LRRC31: variants seen among roughly 807,000 people sequenced by gnomAD.
LRRC31 encodes leucine-rich repeat-containing protein 31.
Under a neutral mutation model 46.7 loss-of-function variants are expected in LRRC31, and 35 were observed. The observed-to-expected ratio is 0.75, with a 90% CI of 0.57 to 0.99. LRRC31 has a LOEUF of 0.99. Among genes scored for constraint, LRRC31 ranks in the 50% least tolerant of loss-of-function variants. The pLI, the probability that LRRC31 is intolerant of heterozygous loss-of-function variation, is 0.00. For synonymous variants in LRRC31, 236 were observed against 235.1 expected (o/e 1.00, Z -0.03); for missense variants, 613 against 626.1 (o/e 0.98, Z 0.22).
intron 7 of LRRC31, among the ~76,000 whole-genome samples, chr3:169,848,647 C>T (rs573009359): frequency 3.3e-5 from 5 of 152,230 alleles, no homozygotes; most frequent in South Asian, 2.1e-4. Context: ...TTAATAGAGA[C>T]GCTGTTTCAC....
rs147308227 is a variant in LRRC31 at position 169,843,593 on chromosome 3, C to T, written c.1328-3280G>A. On this transcript the variant is annotated intron_variant, in intron 8 of 8. Transcript: ENST00000316428. ...TCACCACTACAATATACGCATGGAA[C>T]AAAACTGCACTGGTGCCCCTCACAT... is the stretch of plus-strand genomic sequence containing the variant. 2.9e-3 allele frequency among the ~76,000 whole-genome samples: 445 copies of T among 152,290 alleles called. 5 individuals are homozygous for T. Among genetic ancestry groups the T allele is most frequent in the African/African-American group, 0.01 (433 of 41,578 alleles).
Position 169,856,423 on chromosome 3 carries a change from T to C in LRRC31, c.736A>G (p.Ile246Val), listed in dbSNP as rs374096272. The change falls in exon 5 of 9, where the codon ATT becomes GTT. Residue 246 changes from isoleucine to valine, a missense_variant. Physicochemically the swap from Ile to Val is conservative, Grantham distance 29 (BLOSUM62 3). Coordinates refer to ENST00000316428, the MANE Select transcript of LRRC31 (RefSeq NM_024727.4). ...NRDIVGSLNSIAQGLKSTSNL... is the reference protein window; with the variant it reads ...NRDIVGSLNSVAQGLKSTSNL... ...GAGGTGCTTTTTAATCCCTGAGCAA[T>C]ACTGTTCAGACTGCCAACAATGTCT... is the stretch of plus-strand genomic sequence containing the variant. 2.1e-5 allele frequency: 33 copies of C among 1,609,470 alleles called. No individual in the cohort carries two copies. The highest frequency in any genetic ancestry group is 2.6e-5 in the Non-Finnish European group (31 of 1,177,880).
chr3:169,869,782 GAA>G lies in LRRC31; in HGVS notation c.24_25del (p.Ser9LeufsTer6). 1 of 1,612,762 alleles carries G rather than the reference GAA, an allele frequency of 6.2e-7. No homozygotes were observed. ...CTGGGGCTTAGTTTCTCCTTCTGAG[GAA>G]GTTTTCTTCCTTGTTTGACTCATGG... On this transcript the variant is annotated frameshift_variant, in exon 1 of 9. Transcript: ENST00000316428. LOFTEE classifies it high-confidence loss of function.
At chr3:169,856,537 G>T (rs988286052) in intron 4 of LRRC31, 34 bp from the exon 5 acceptor site, 1 of 1,556,292 alleles carries the variant, frequency 6.4e-7, no homozygotes, top group Non-Finnish European at 8.7e-7. Flanking sequence ...AGAAGGGTAG[G>T]TAGGAGGGGA....
intron 1 of LRRC31, among the ~76,000 whole-genome samples, chr3:169,864,202 T>C (rs1367721370): frequency 2.6e-5 from 4 of 152,216 alleles, no homozygotes; most frequent in Non-Finnish European, 5.9e-5. Context: ...TACTGTCAAA[T>C]GTTTGGAAAG....
intron 7 of LRRC31, 115 bp from the exon 8 acceptor site, chr3:169,848,402 G>A (rs745690072): frequency 5.7e-6 from 5 of 872,190 alleles, no homozygotes; most frequent in Non-Finnish European, 6.9e-6. Flanking sequence ...GGTTGAGAAA[G>A]TTGTAGAGAC....
chr3:169,839,974 A>C lies in LRRC31; in HGVS notation c.*8T>G, dbSNP rs1414402940. 1.3e-6 allele frequency: 2 copies of C among 1,597,172 alleles called. No homozygotes were observed. Among genetic ancestry groups the C allele is most frequent in the Non-Finnish European group, 1.7e-6 (2 of 1,169,756 alleles). The stretch of plus-strand genomic sequence containing the variant: ...GGTTTGTAGCTTAGTAGGACATGGG[A>C]AATCAGTTTACTGAAACCCACCATG... On this transcript the variant is annotated 3_prime_UTR_variant, in exon 9 of 9. Coordinates refer to ENST00000316428, the MANE Select transcript of LRRC31 (RefSeq NM_024727.4).
chr3:169,851,412 A>AAAC (rs538129958), intron 7 of LRRC31, among the ~76,000 whole-genome samples: 2 of 152,240 alleles, frequency 1.3e-5, no homozygotes, highest in Middle Eastern at 3.4e-3. Flanking sequence ...CTCAAAATAC[A>AAAC]AACAACAACA....
chr3:169,860,755 A>ATATGTG (rs746455730), intron 2 of LRRC31, 27 bp from the exon 3 acceptor site: 21 of 1,604,640 alleles, frequency 1.3e-5, no homozygotes, highest in Non-Finnish European at 1.8e-5. Context: ...GAAAATACAG[A>ATATGTG]TATGTGTATG....
rs35795931 is a variant in LRRC31 at position 169,864,001 on chromosome 3, A to AGTGTGTGTGT, written c.176-2198_176-2189dup. Among the ~76,000 whole-genome samples the AGTGTGTGTGT allele has an allele frequency of 2.5e-3, 367 of 148,718 alleles. 1 individual carries two copies. Among genetic ancestry groups the AGTGTGTGTGT allele is most frequent in the African/African-American group, 8.6e-3 (347 of 40,570 alleles). On this transcript the variant is annotated intron_variant, in intron 1 of 8. Transcript: ENST00000316428. The stretch of plus-strand genomic sequence containing the variant: ...CCCAGAATAGTTTGTTCCAAAGCCT[A>AGTGTGTGTGT]GTGTGTGTGTGTGTGTGTGTGTGTG...
chr3:169,864,000 TA>T (rs1484448976), intron 1 of LRRC31, among the ~76,000 whole-genome samples: 1 of 127,184 alleles, frequency 7.9e-6, no homozygotes, highest in Non-Finnish European at 1.7e-5. Context: ...TTCCAAAGCC[TA>T]GTGTGTGTGT....
chr3:169,854,082 G>T (rs1433244683), intron 6 of LRRC31, among the ~76,000 whole-genome samples: 1 of 152,226 alleles, frequency 6.6e-6, no homozygotes, highest in Non-Finnish European at 1.5e-5. Context: ...TGAGGAGGAG[G>T]GGGAGTGAAT....
chr3:169,856,354 T>G lies in LRRC31; in HGVS notation c.805A>C (p.Lys269Gln). 3.8e-6 allele frequency: 6 copies of G among 1,586,652 alleles called. No homozygotes were observed. The highest frequency in any genetic ancestry group is 5.1e-6 in the Non-Finnish European group (6 of 1,166,566). The change falls in exon 5 of 9, where the codon AAG (lysine) becomes CAG (glutamine). Residue 269 changes from lysine (K) to glutamine (Q), a missense_variant. Physicochemically the swap from Lys to Gln is moderately conservative, Grantham distance 53 (BLOSUM62 1). Coordinates refer to ENST00000316428, the MANE Select transcript of LRRC31 (RefSeq NM_024727.4). ...LKLHSCGLSQ[K>Q]SVKILDAAFR... ...AACTCACCCAATATTTTGACACTCT[T>G]TTGTGATAATCCACATGAATGTAAC...
intron 8 of LRRC31, among the ~76,000 whole-genome samples, chr3:169,843,215 C>T (rs1200421609): frequency 6.6e-6 from 1 of 152,214 alleles, no homozygotes; most frequent in East Asian, 1.9e-4. Flanking sequence ...GGACAATCCA[C>T]TCCTGTCTTG....
At chr3:169,867,424 C>T (rs1316088974) in intron 1 of LRRC31, among the ~76,000 whole-genome samples, 5 of 151,340 alleles carry the variant, frequency 3.3e-5, no homozygotes, top group African/African-American at 1.2e-4. Flanking sequence ...CACCCGGCTA[C>T]TTTTTTATAT....
intron 6 of LRRC31, chr3:169,853,485 G>A (rs1560626892): frequency 1.0e-6 from 1 of 985,652 alleles, no homozygotes; most frequent in Non-Finnish European, 1.2e-6. Context: ...GGGAACAATT[G>A]AGGTTCTCCA....
At chr3:169,840,452 T>C in intron 8 of LRRC31, 139 bp from the exon 9 acceptor site, 2 of 893,056 alleles carry the variant, frequency 2.2e-6, no homozygotes, top group Non-Finnish European at 1.8e-6. Flanking sequence ...AGCAGCTTTA[T>C]TCAGGACATC....
chr3:169,865,018 G>A (rs187782914), intron 1 of LRRC31, among the ~76,000 whole-genome samples: 3 of 152,040 alleles, frequency 2.0e-5, no homozygotes, highest in East Asian at 1.9e-4. Flanking sequence ...CAGAGGTTGC[G>A]TGAGCCGAGA....
rs369275299 is a variant in LRRC31 at position 169,861,650 on chromosome 3, A to C, written c.319+20T>G. 1.1e-4 allele frequency: 175 copies of C among 1,611,576 alleles called. No homozygotes were observed. Among genetic ancestry groups the C allele is most frequent in the Non-Finnish European group, 1.5e-4 (172 of 1,179,024 alleles). ...GGAAAGGCCCTATCTTCCTCTATGC[A>C]AAGTCTGCTGCATACAGACCCATTT... On this transcript the variant is annotated intron_variant, in intron 2 of 8. Transcript: ENST00000316428.
Sources: allele counts gnomAD v4.1 joint callset (sites outside exome capture counted in the v4.1 genomes callset), GRCh38; gene constraint gnomAD v4.1.1; transcripts MANE v1.5; gene names NCBI Gene and HGNC (gene_info 2026-07-23, HGNC 2026-07-21).